DLG2: variants seen among roughly 807,000 people sequenced by gnomAD.
DLG2 encodes the protein discs large MAGUK scaffold protein 2, also known as disks large homolog 2.
Under a neutral mutation model 132.5 loss-of-function variants are expected in DLG2, and 45 were observed. The observed-to-expected ratio is 0.34, with a 90% confidence interval of 0.27 to 0.44. DLG2 has a LOEUF of 0.44. Ranked by LOEUF, DLG2 falls within the 20% of genes least tolerant of loss-of-function variation. The pLI is 1.00. For missense variants in DLG2, 1,045 were observed against 1,196.9 expected (o/e 0.87, Z 1.87); for synonymous variants, 424 against 419.6 (o/e 1.01, Z -0.13).
chr11:84,006,539 A>C (rs1427236409), intron 11 of DLG2, among the ~76,000 whole-genome samples: 1 of 151,552 alleles, frequency 6.6e-6, no homozygotes, highest in Non-Finnish European at 1.5e-5. Context: ...TTAAGTATTT[A>C]ATACTTAAGT....
intron 7 of DLG2, among the ~76,000 whole-genome samples, chr11:84,271,972 A>AG (rs1355114535): frequency 7.4e-6 from 1 of 135,742 alleles, no homozygotes; most frequent in South Asian, 2.4e-4. Flanking sequence ...AAAAAAAAAA[A>AG]GGAAGAGAAG....
intron 21 of DLG2, among the ~76,000 whole-genome samples, chr11:83,498,378 A>T (rs2094264236): frequency 6.6e-6 from 1 of 152,096 alleles, no homozygotes; most frequent in Admixed American, 6.6e-5. Flanking sequence ...ATGAAATGAA[A>T]TTAAAACTCA....
intron 9 of DLG2, among the ~76,000 whole-genome samples, chr11:84,142,498 C>T (rs767554052): frequency 6.6e-6 from 1 of 152,122 alleles, no homozygotes; most frequent in Non-Finnish European, 1.5e-5. Context: ...CCTTGACTGG[C>T]TTAAGGGATA....
chr11:84,482,279 T>C (rs2099139799), intron 7 of DLG2, among the ~76,000 whole-genome samples: 1 of 152,156 alleles, frequency 6.6e-6, no homozygotes, highest in African/African-American at 2.4e-5. Flanking sequence ...CAAGCAAACA[T>C]TGGTTCTTTA....
intron 16 of DLG2, among the ~76,000 whole-genome samples, chr11:83,853,783 TA>T (rs1022163787): frequency 2.6e-5 from 4 of 151,876 alleles, no homozygotes; most frequent in Admixed American, 2.0e-4. Flanking sequence ...TGCCTAATGG[TA>T]AAAAAAACTT....
rs140071758 is a variant in DLG2 at position 83,831,532 on chromosome 11, C to CAG, written c.1722+2080_1722+2081dup. On this transcript the variant is annotated intron_variant, in intron 17 of 27. Transcript: ENST00000376104. ...ACTGTGTGTGTGTGTGTGTGTATGT[C>CAG]AGAGAGAGAGAGAGAGAGAGAGAAA... 8.1e-3 allele frequency among the ~76,000 whole-genome samples: 1,193 copies of CAG among 146,742 alleles called. 4 individuals carry two copies. The highest frequency in any genetic ancestry group is 0.022 in the African/African-American group (900 of 40,020).
At chr11:84,324,429 T>C (rs1454435699) in intron 7 of DLG2, among the ~76,000 whole-genome samples, 4 of 152,126 alleles carry the variant, frequency 2.6e-5, no homozygotes, top group African/African-American at 4.8e-5. Context: ...CTTAGTGCCA[T>C]AGTGTCTTGA....
intron 7 of DLG2, among the ~76,000 whole-genome samples, chr11:84,447,883 G>C (rs948662236): frequency 6.6e-6 from 1 of 152,058 alleles, no homozygotes; most frequent in Non-Finnish European, 1.5e-5. Flanking sequence ...CAAAAGGAAC[G>C]TAGAGCTGGG....
chr11:84,432,291 G>A (rs1325187792), intron 7 of DLG2, among the ~76,000 whole-genome samples: 1 of 152,182 alleles, frequency 6.6e-6, no homozygotes, highest in Non-Finnish European at 1.5e-5. Flanking sequence ...GGATTTGAAA[G>A]TAGTTCAGAA....
intron 6 of DLG2, among the ~76,000 whole-genome samples, chr11:84,851,023 C>G (rs1444097718): frequency 1.3e-5 from 2 of 151,938 alleles, no homozygotes; most frequent in Non-Finnish European, 2.9e-5. Context: ...TTTTATTCCC[C>G]CAGAAATTGA....
intron 7 of DLG2, among the ~76,000 whole-genome samples, chr11:84,491,218 C>T (rs955820305): frequency 1.3e-5 from 2 of 152,130 alleles, no homozygotes; most frequent in South Asian, 2.1e-4. Context: ...TATTGTGGGA[C>T]GGACCTGGTG....
At chr11:84,331,336 A>G (rs1294252021) in intron 7 of DLG2, among the ~76,000 whole-genome samples, 2 of 152,010 alleles carry the variant, frequency 1.3e-5, no homozygotes, top group African/African-American at 2.4e-5. Flanking sequence ...GAAACTAAGT[A>G]ATTGCTCAAG....
At chr11:85,097,788 G>C (rs949406522) in intron 6 of DLG2, among the ~76,000 whole-genome samples, 1 of 152,142 alleles carries the variant, frequency 6.6e-6, no homozygotes, top group Non-Finnish European at 1.5e-5. Flanking sequence ...CATAGTATGA[G>C]GCTCCAGAAG....
At chr11:84,031,049 A>C (rs971604764) in intron 11 of DLG2, among the ~76,000 whole-genome samples, 1 of 152,158 alleles carries the variant, frequency 6.6e-6, no homozygotes, top group Admixed American at 6.6e-5. Context: ...GGAAAACCAT[A>C]GTCTTGAGTT....
At chr11:84,090,389 G>A (rs1378663416) in intron 10 of DLG2, among the ~76,000 whole-genome samples, 1 of 138,742 alleles carries the variant, frequency 7.2e-6, no homozygotes, top group Non-Finnish European at 1.5e-5. Context: ...ACTCCAGCCT[G>A]GGTGACAAGA....
chr11:84,950,709 GCACACACACGCACGTGCATACACACA>G (rs1398407990), intron 6 of DLG2, among the ~76,000 whole-genome samples: 2 of 150,944 alleles, frequency 1.3e-5, no homozygotes, highest in African/African-American at 4.9e-5. Flanking sequence ...ATAGTCATAA[GCACACACACGCACGTGCATACACACA>G]CACACACACG....
intron 6 of DLG2, among the ~76,000 whole-genome samples, chr11:85,036,505 AATTAT>A (rs1566704104): frequency 6.6e-6 from 1 of 152,202 alleles, no homozygotes; most frequent in East Asian, 1.9e-4. Context: ...ATAATTTTAA[AATTAT>A]ATTATTTCAT....
In DLG2 at chr11:84,923,053, A is replaced by G. The variant is rs372835117; in HGVS notation, c.357+188608T>C. 2.5e-6 allele frequency: 4 copies of G among 1,613,854 alleles called. No individual in the cohort carries two copies. In the African/African-American group the frequency reaches 5.3e-5, roughly 22 times the overall value. On this transcript the variant is annotated intron_variant, in intron 6 of 27. Transcript: ENST00000376104. ...CTGGTTTAACATGTATATTGTGCCCAGTTGCCGGCTCGCCTCCTCTTACCT... is the reference window on the plus strand; with the variant it reads ...CTGGTTTAACATGTATATTGTGCCCGGTTGCCGGCTCGCCTCCTCTTACCT...
rs777975974 is a variant in DLG2, at chr11:83,680,605, C to A, written c.1826-47280G>T. ...AGAAACCAAGTCTCAGGTTACACAC[C>A]CCTAAGTGCCAACCACAATACATCA... On this transcript the variant is annotated intron_variant, in intron 18 of 27. Transcript: ENST00000376104. Among the ~76,000 whole-genome samples, 80 of 152,152 alleles carry A rather than the reference C, an allele frequency of 5.3e-4. 2 individuals carry two copies. The highest frequency in any genetic ancestry group is 2.4e-4 in the Non-Finnish European group (16 of 68,022).
Sources: allele counts gnomAD v4.1 joint callset (sites outside exome capture counted in the v4.1 genomes callset), GRCh38; gene constraint gnomAD v4.1.1; transcripts MANE v1.5; gene names NCBI Gene and HGNC (gene_info 2026-07-23, HGNC 2026-07-21).